RIMS1: variants seen among roughly 807,000 people sequenced by gnomAD.
RIMS1 encodes regulating synaptic membrane exocytosis 1.
Under a neutral mutation model 214.1 loss-of-function variants are expected in RIMS1, and 83 were observed. The ratio of observed to expected loss-of-function variants is 0.39; its 90% CI spans 0.32 to 0.47. The LOEUF is 0.47. Ranked by LOEUF, RIMS1 falls within the 20% of genes least tolerant of loss-of-function variation. RIMS1 has a pLI of 0.99. For synonymous variants in RIMS1, 793 were observed against 786.8 expected (o/e 1.01, Z -0.13); for missense variants, 2,050 against 2,161.8 (o/e 0.95, Z 1.03).
chr6:72,300,071 T>G (rs2094470031), intron 26 of RIMS1, among the ~76,000 whole-genome samples: 1 of 151,816 alleles, frequency 6.6e-6, no homozygotes. Context: ...GAAAAGTAAT[T>G]TATCCATCTC....
intron 2 of RIMS1, among the ~76,000 whole-genome samples, chr6:72,066,028 T>G (rs567663297): frequency 6.6e-6 from 1 of 152,226 alleles, no homozygotes; most frequent in East Asian, 1.9e-4. Flanking sequence ...CCTTTTCCAT[T>G]CCATTGAACT....
chr6:72,299,240 A>C (rs2154266769), intron 26 of RIMS1, among the ~76,000 whole-genome samples: 1 of 152,074 alleles, frequency 6.6e-6, no homozygotes, highest in East Asian at 1.9e-4. Context: ...ACTATTTTTT[A>C]AGTGCATTAA....
At chr6:71,951,771 G>C (rs1257123555) in intron 1 of RIMS1, among the ~76,000 whole-genome samples, 1 of 151,510 alleles carries the variant, frequency 6.6e-6, no homozygotes, top group African/African-American at 2.4e-5. Context: ...CTCTCCCAAA[G>C]TGCTGGGATT....
chr6:72,032,531 G>A (rs1032973098), intron 2 of RIMS1, among the ~76,000 whole-genome samples: 1 of 152,012 alleles, frequency 6.6e-6, no homozygotes, highest in African/African-American at 2.4e-5. Context: ...TATTCATGAG[G>A]GTTTGTTTAA....
Position 72,292,015 on chromosome 6 carries a change from A to T in RIMS1, c.3819A>T (p.Gln1273His), listed in dbSNP as rs1385741591. ...FSSRRGRQLP[Q>H]VPVRSGSIEQ... ...GTCGCAGGGGAAGACAGCTCCCACA[A>T]GTGCCAGTGAGAAGCGGCAGTATAG... The change falls in exon 26 of 34, where the codon CAA (glutamine) becomes CAT (histidine). Residue 1273 changes from glutamine to histidine, a missense_variant. By Grantham distance (24) the Gln-to-His change is conservative. Around this residue, in one of 6 missense-constraint regions of RIMS1, gnomAD observed 889 missense variants for 885.5 expected, o/e 1.00. Coordinates refer to ENST00000521978, the MANE Select transcript of RIMS1 (RefSeq NM_014989.7). 6.4e-7 allele frequency: 1 copy of T among 1,559,410 alleles called. No individual in the cohort carries two copies. Among genetic ancestry groups the T allele is most frequent in the African/African-American group, 1.4e-5 (1 of 73,486 alleles).
rs528354291 is a variant in RIMS1, at chr6:71,915,604, G to A, written c.164+28417G>A. On this transcript the variant is annotated intron_variant, in intron 1 of 33. Coordinates refer to ENST00000521978, the MANE Select transcript of RIMS1 (RefSeq NM_014989.7). Reference sequence around the variant, plus strand: ...CAGGGAGATAGCAGAGCTTAGGCAAGTCACTTAGCTGCTCTCTGACTCAGT... The same window carrying A: ...CAGGGAGATAGCAGAGCTTAGGCAAATCACTTAGCTGCTCTCTGACTCAGT... Among the ~76,000 whole-genome samples, 12 of 152,240 alleles carry A rather than the reference G, an allele frequency of 7.9e-5. 1 individual carries two copies. In the South Asian group the frequency reaches 1.0e-3, roughly 13 times the overall value.
intron 1 of RIMS1, among the ~76,000 whole-genome samples, chr6:71,967,026 A>G (rs1794641170): frequency 6.6e-6 from 1 of 152,230 alleles, no homozygotes; most frequent in South Asian, 2.1e-4. Context: ...TTTCTCATAG[A>G]TTTAATTCTT....
At chr6:72,205,798 G>A (rs2052798972) in intron 6 of RIMS1, among the ~76,000 whole-genome samples, 1 of 152,048 alleles carries the variant, frequency 6.6e-6, no homozygotes, top group Admixed American at 6.6e-5. Context: ...TATAAACACT[G>A]GAAGTCAGCT....
intron 4 of RIMS1, chr6:72,126,840 A>G (rs966017783): frequency 4.3e-5 from 7 of 163,824 alleles, no homozygotes; most frequent in Non-Finnish European, 9.3e-5. Context: ...GTAGGAAGGT[A>G]AACTAGTACA....
chr6:72,298,657 G>A (rs2094329190), intron 26 of RIMS1, among the ~76,000 whole-genome samples: 1 of 151,950 alleles, frequency 6.6e-6, no homozygotes, highest in South Asian at 2.1e-4. Context: ...GCTGCTGTGA[G>A]GCAGAACCAG....
chr6:72,150,382 A>T (rs2043373299), intron 4 of RIMS1, among the ~76,000 whole-genome samples: 1 of 152,176 alleles, frequency 6.6e-6, no homozygotes, highest in Admixed American at 6.5e-5. Flanking sequence ...TTCAGACTTT[A>T]AACTGTCTTT....
intron 2 of RIMS1, among the ~76,000 whole-genome samples, chr6:72,079,194 G>T (rs115003584): frequency 1.4e-3 from 208 of 152,252 alleles, no homozygotes; most frequent in African/African-American, 4.8e-3. Context: ...AGAGGTTGAA[G>T]GAACACTACT....
At chr6:71,901,020 G>A (rs894212697) in intron 1 of RIMS1, among the ~76,000 whole-genome samples, 1 of 152,064 alleles carries the variant, frequency 6.6e-6, no homozygotes, top group Admixed American at 6.6e-5. Flanking sequence ...GGAGAGCCTT[G>A]TCTCACTAAA....
chr6:72,029,428 G>A (rs1817452192), intron 2 of RIMS1, among the ~76,000 whole-genome samples: 1 of 152,032 alleles, frequency 6.6e-6, no homozygotes, highest in African/African-American at 2.4e-5. Context: ...AAGTCATGAG[G>A]AATTAGGGCC....
rs181013482 is a variant in RIMS1, at chr6:72,320,825, T to C, written c.4130+7153T>C. Among the ~76,000 whole-genome samples the C allele has an allele frequency of 4.7e-4, 71 of 152,188 alleles. No individual in the cohort carries two copies. The East Asian group carries it at 0.011, about 24-fold the overall frequency. On this transcript the variant is annotated intron_variant, in intron 28 of 33. Coordinates refer to ENST00000521978, the MANE Select transcript of RIMS1 (RefSeq NM_014989.7). The stretch of plus-strand genomic sequence containing the variant: ...TCATTACTTCAGCTTGTACAGTTAA[T>C]AGACTTTATACTATGCTTTTTTATA...
At chr6:72,343,120 C>T (rs2097150441) in intron 29 of RIMS1, among the ~76,000 whole-genome samples, 3 of 151,938 alleles carry the variant, frequency 2.0e-5, no homozygotes, top group Middle Eastern at 3.4e-3. Context: ...GGATCAAGGC[C>T]TCCCTTGCAG....
rs145832397 is a variant in RIMS1 at position 71,888,183 on chromosome 6, G to A, written c.164+996G>A. ...TTACAAGGGACTGGCAGAGAGACGG[G>A]GCTTTCCTTGCTTAGCATCACCCAT... On this transcript the variant is annotated intron_variant, in intron 1 of 33. Transcript: ENST00000521978. 1.2e-4 allele frequency among the ~76,000 whole-genome samples: 19 copies of A among 152,250 alleles called. No individual in the cohort carries two copies. The East Asian group carries it at 2.9e-3, about 23-fold the overall frequency.
intron 22 of RIMS1, among the ~76,000 whole-genome samples, chr6:72,267,425 G>A (rs1335553164): frequency 1.3e-5 from 2 of 152,078 alleles, no homozygotes; most frequent in African/African-American, 4.8e-5. Flanking sequence ...GAAACATAAT[G>A]CAAGCTGATA....
chr6:72,341,797 T>A (rs2097103063), intron 29 of RIMS1, among the ~76,000 whole-genome samples: 1 of 151,860 alleles, frequency 6.6e-6, no homozygotes, highest in Non-Finnish European at 1.5e-5. Context: ...TGAGGGCACA[T>A]ACAGAATTGG....
Sources: gnomAD v4.1 joint callset for allele counts (sites outside exome capture counted in the v4.1 genomes callset) on GRCh38, gnomAD v4.1.1 for gene constraint, gnomAD v4.1.1 regional missense constraint, MANE v1.5 for transcripts, NCBI Gene and HGNC (gene_info 2026-07-23, HGNC 2026-07-21) for gene names.